Variants in TRIO observed in about 807,000 individuals in gnomAD.
TRIO encodes triple functional domain protein.
A neutral mutation model predicts 351.9 loss-of-function variants in TRIO; 58 were observed. That is an observed-to-expected ratio of 0.16 (90% CI 0.13 to 0.21). The LOEUF is 0.21. Among genes scored for constraint, TRIO ranks in the 10% least tolerant of loss-of-function variants. The probability of loss-of-function intolerance (pLI) is 1.00; values close to 1 mark genes in which losing one functional copy is unlikely to be tolerated. For synonymous variants in TRIO, 1,758 were observed against 1,595.7 expected, an observed-to-expected ratio of 1.10 and a Z score of -2.42; for missense variants, 3,201 against 4,027.8, an observed-to-expected ratio of 0.79 and a Z score of 5.56.
At chr5:14,325,205 A>G (rs1740258537) in intron 9 of TRIO, among the ~76,000 whole-genome samples, 1 of 152,206 alleles carries the variant, frequency 6.6e-6, no homozygotes, top group Non-Finnish European at 1.5e-5. Context: ...TAGGCTTTGA[A>G]ATACTCTCCT....
At chr5:14,404,068 T>TGTGGTGAGGGTGCAGCTTGTG (rs112230771) in intron 31 of TRIO, among the ~76,000 whole-genome samples, 1 of 132,428 alleles carries the variant, frequency 7.6e-6, no homozygotes, top group African/African-American at 2.7e-5. Context: ...GGGTGCAGCT[T>TGTGGTGAGGGTGCAGCTTGTG]GTGAGGGTGC....
intron 1 of TRIO, among the ~76,000 whole-genome samples, chr5:14,199,436 A>C (rs1790974135): frequency 6.6e-6 from 1 of 152,190 alleles, no homozygotes; most frequent in Middle Eastern, 3.2e-3. Flanking sequence ...TCAAGAAAAT[A>C]TTCTTTGTTG....
At chr5:14,284,597 T>C (rs891877817) in intron 3 of TRIO, among the ~76,000 whole-genome samples, 1 of 152,206 alleles carries the variant, frequency 6.6e-6, no homozygotes, top group African/African-American at 2.4e-5. Context: ...CTCCCGCTTA[T>C]TCCTGTTGTT....
At chr5:14,327,497 A>C (rs1396737483) in intron 9 of TRIO, among the ~76,000 whole-genome samples, 1 of 152,010 alleles carries the variant, frequency 6.6e-6, no homozygotes, top group Admixed American at 6.6e-5. Context: ...AAAATGTTGT[A>C]TTTTGCTTCC....
rs758599930 is a variant in TRIO at position 14,492,681 on chromosome 5, A to G, written c.7747A>G (p.Ser2583Gly). 1 of 1,614,176 alleles carries G rather than the reference A, an allele frequency of 6.2e-7. No homozygotes were observed. Among genetic ancestry groups the G allele is most frequent in the African/African-American group, 1.3e-5 (1 of 75,054 alleles). Residue 2583 changes from serine to glycine, a missense_variant, in exon 49 of 57, where the codon AGC (serine) becomes GGC (glycine). Around this residue, in one of 19 missense-constraint regions of TRIO, gnomAD observed 1,089 missense variants for 954.9 expected, o/e 1.14. Coordinates refer to ENST00000344204, the MANE Select transcript of TRIO (RefSeq NM_007118.4). ...YQGEVVQILASNQQNMFLVFR... is the reference protein window; with the variant it reads ...YQGEVVQILAGNQQNMFLVFR... ...AGGAGAGGTCGTTCAAATTCTGGCC[A>G]GCAACCAGCAGAACATGTTTCTGGT...
chr5:14,455,192 T>G (rs553455514), intron 34 of TRIO, among the ~76,000 whole-genome samples: 108 of 152,334 alleles, frequency 7.1e-4, no homozygotes, highest in Admixed American at 5.0e-3. Flanking sequence ...CGCTGCTGGC[T>G]TGGGCAGCCT....
chr5:14,280,276 C>A lies in TRIO; in HGVS notation c.233-46C>A, dbSNP rs184686375. 2,202 of 1,553,148 alleles carry A rather than the reference C, an allele frequency of 1.4e-3. 3 individuals are homozygous for A. The highest frequency in any genetic ancestry group is 9.9e-3 in the Middle Eastern group (59 of 5,946). On this transcript the variant is annotated intron_variant, in intron 2 of 56. Transcript: ENST00000344204. ...GTGAATGGATGATAACATAGGATTTCTGTCTTATCTTGTGTCTAAGTGTAT... is the reference window on the plus strand; with the variant it reads ...GTGAATGGATGATAACATAGGATTTATGTCTTATCTTGTGTCTAAGTGTAT...
intron 1 of TRIO, among the ~76,000 whole-genome samples, chr5:14,214,480 G>A (rs143485546): frequency 4.0e-4 from 61 of 152,220 alleles, no homozygotes; most frequent in African/African-American, 1.4e-3. Flanking sequence ...AAGGATGCAG[G>A]GTCATCTCAG....
At chr5:14,244,837 A>C (rs1171851907) in intron 1 of TRIO, among the ~76,000 whole-genome samples, 1 of 152,126 alleles carries the variant, frequency 6.6e-6, no homozygotes, top group Admixed American at 6.5e-5. Flanking sequence ...GGGAGGCTGC[A>C]GTTGCTGGAG....
At chr5:14,169,791 T>C (rs773746260) in intron 1 of TRIO, among the ~76,000 whole-genome samples, 6 of 152,278 alleles carry the variant, frequency 3.9e-5, no homozygotes, top group African/African-American at 9.6e-5. Context: ...AAGCACTTAA[T>C]GGCATTTTGG....
At chr5:14,308,136 G>T (rs1738537344) in intron 8 of TRIO, among the ~76,000 whole-genome samples, 1 of 152,192 alleles carries the variant, frequency 6.6e-6, no homozygotes, top group African/African-American at 2.4e-5. Flanking sequence ...TAAAGACCTG[G>T]GTTCTCAGAG....
At chr5:14,200,151 A>G (rs1252488471) in intron 1 of TRIO, among the ~76,000 whole-genome samples, 2 of 151,932 alleles carry the variant, frequency 1.3e-5, no homozygotes, top group African/African-American at 4.8e-5. Context: ...GGCATTATGT[A>G]CTAGGGGCTT....
intron 1 of TRIO, among the ~76,000 whole-genome samples, chr5:14,186,531 A>C (rs903918754): frequency 6.6e-6 from 1 of 151,674 alleles, no homozygotes; most frequent in African/African-American, 2.4e-5. Context: ...TCTTGCATTC[A>C]TTTCTGAATG....
At chr5:14,229,861 C>T (rs929900100) in intron 1 of TRIO, among the ~76,000 whole-genome samples, 6 of 152,116 alleles carry the variant, frequency 3.9e-5, no homozygotes, top group African/African-American at 7.2e-5. Flanking sequence ...ACAGTGGTAC[C>T]GAAATGCAGG....
intron 8 of TRIO, among the ~76,000 whole-genome samples, chr5:14,313,155 T>C (rs1739074556): frequency 6.6e-6 from 1 of 152,250 alleles, no homozygotes; most frequent in Admixed American, 6.5e-5. Context: ...CCAGGGTCTT[T>C]ACTGCCGCTG....
chr5:14,254,169 G>A (rs1794898225), intron 1 of TRIO, among the ~76,000 whole-genome samples: 1 of 152,022 alleles, frequency 6.6e-6, no homozygotes, highest in African/African-American at 2.4e-5. Context: ...GCTCCTTGGA[G>A]TCCTCAATAG....
At chr5:14,351,899 C>T (rs192874809) in intron 11 of TRIO, among the ~76,000 whole-genome samples, 4 of 152,304 alleles carry the variant, frequency 2.6e-5, no homozygotes, top group Admixed American at 1.3e-4. Flanking sequence ...TGGTCCTTTC[C>T]GAGGGTCCAC....
intron 1 of TRIO, among the ~76,000 whole-genome samples, chr5:14,267,896 G>A (rs1410171528): frequency 3.9e-5 from 6 of 152,056 alleles, no homozygotes; most frequent in Admixed American, 1.3e-4. Context: ...TGTTTTTGAA[G>A]TATTAATTGA....
chr5:14,320,275 T>G (rs1401791341), intron 9 of TRIO, among the ~76,000 whole-genome samples: 1 of 152,166 alleles, frequency 6.6e-6, no homozygotes, highest in Non-Finnish European at 1.5e-5. Flanking sequence ...GGTAACTCAT[T>G]TTTGCTTTAC....
Sources: gnomAD v4.1 joint callset for allele counts (sites outside exome capture counted in the v4.1 genomes callset) on GRCh38, gnomAD v4.1.1 for gene constraint, gnomAD v4.1.1 regional missense constraint, MANE v1.5 for transcripts, NCBI Gene and HGNC (gene_info 2026-07-23, HGNC 2026-07-21) for gene names.